Variants in ITGA8 observed in about 807,000 individuals in gnomAD.
ITGA8 encodes integrin alpha-8.
A neutral mutation model predicts 142.3 loss-of-function variants in ITGA8; 91 were observed. The observed-to-expected ratio is 0.64, with a 90% CI of 0.54 to 0.76. The LOEUF (loss-of-function observed/expected upper bound fraction) is 0.76, where lower values mean the gene tolerates loss of function less well. Among genes scored for constraint, ITGA8 ranks in the 30% least tolerant of loss-of-function variants. ITGA8 has a pLI of 0.00. For synonymous variants in ITGA8, 505 were observed against 485.2 expected (o/e 1.04, Z -0.54); for missense variants, 1,406 against 1,327.7 (o/e 1.06, Z -0.92).
chr10:15,637,634 C>T (rs1833795595), intron 13 of ITGA8, among the ~76,000 whole-genome samples: 1 of 151,680 alleles, frequency 6.6e-6, no homozygotes, highest in South Asian at 2.1e-4. Context: ...ACTTCAGACT[C>T]CCAAGTAGCT....
At position 15,636,017 on chromosome 10, in the gene ITGA8, G is replaced by A. The variant is rs1232540851; in HGVS notation, c.1399+8013C>T. Among the ~76,000 whole-genome samples, 5 of 151,452 alleles carry A rather than the reference G, an allele frequency of 3.3e-5. No individual in the cohort carries two copies. The East Asian group carries it at 9.7e-4, about 29-fold the overall frequency. On this transcript the variant is annotated intron_variant, in intron 13 of 29. Transcript: ENST00000378076. The stretch of plus-strand genomic sequence containing the variant: ...TTCATTGAGTGTAATTGTCTGAAAT[G>A]GCTTCATGATATAATTATATAGTAG...
At chr10:15,661,858 G>C (rs1420978923) in intron 8 of ITGA8, among the ~76,000 whole-genome samples, 1 of 152,146 alleles carries the variant, frequency 6.6e-6, no homozygotes, top group East Asian at 1.9e-4. Context: ...TGCCAGGAAA[G>C]TTGACGGAAC....
intron 25 of ITGA8, among the ~76,000 whole-genome samples, chr10:15,571,052 A>T (rs1250819503): frequency 1.3e-5 from 2 of 152,224 alleles, no homozygotes; most frequent in Non-Finnish European, 2.9e-5. Context: ...AGCAAAGAGG[A>T]AATGAGAAAA....
intron 13 of ITGA8, among the ~76,000 whole-genome samples, chr10:15,626,515 G>C (rs1049284484): frequency 6.6e-6 from 1 of 152,030 alleles, no homozygotes; most frequent in Non-Finnish European, 1.5e-5. Flanking sequence ...CACTGCACCC[G>C]GCCTCCTTTC....
chr10:15,684,077 C>A lies in ITGA8; in HGVS notation c.495G>T (p.Lys165Asn). The A allele has an allele frequency of 1.2e-6, 2 of 1,614,128 alleles. No homozygotes were observed. Among genetic ancestry groups the A allele is most frequent in the Non-Finnish European group, 1.7e-6 (2 of 1,179,994 alleles). The change falls in exon 4 of 30, where the codon AAG becomes AAT. Residue 165 changes from lysine to asparagine, a missense_variant. By Grantham distance (94) the Lys-to-Asn change is moderately conservative (BLOSUM62 0). Coordinates refer to ENST00000378076, the MANE Select transcript of ITGA8 (RefSeq NM_003638.3). ...CTACATAGCAGGTGCCAACTGGGTC[C>A]TTTTCTGGTGTCGGTTTAAGAGTTC... ...HWRTLKPTPE[K>N]DPVGTCYVAI...
Position 15,719,749 on chromosome 10 carries a change from C to T in ITGA8, c.23G>A (p.Gly8Asp). 1 of 1,358,360 alleles carries T rather than the reference C, an allele frequency of 7.4e-7. No individual in the cohort carries two copies. The highest frequency in any genetic ancestry group is 9.4e-7 in the Non-Finnish European group (1 of 1,063,730). The allele number at this position is 1,358,360 out of a possible 1,614,324, so 84.1% of individuals were successfully genotyped here. MSPGASR[G>D]PRGSQAPLIA... ...CAGCGGCGCCTGGCTTCCCCGGGGACCGCGGCTGGCCCCGGGCGACATCTC... is the reference window on the plus strand; with the variant it reads ...CAGCGGCGCCTGGCTTCCCCGGGGATCGCGGCTGGCCCCGGGCGACATCTC... Residue 8 changes from glycine (G) to aspartate (D), a missense_variant, in exon 1 of 30, where the codon GGT becomes GAT. Physicochemically the swap from Gly to Asp is moderately conservative, Grantham distance 94. Coordinates refer to ENST00000378076, the MANE Select transcript of ITGA8 (RefSeq NM_003638.3).
chr10:15,706,628 T>C (rs1399196479), intron 2 of ITGA8, among the ~76,000 whole-genome samples: 1 of 152,100 alleles, frequency 6.6e-6, no homozygotes, highest in Non-Finnish European at 1.5e-5. Context: ...TTTGTAGAGA[T>C]AGGATCTTGC....
rs186931445 is a variant in ITGA8, at chr10:15,711,279, C to A, written c.343+7487G>T. On this transcript the variant is annotated intron_variant, in intron 2 of 29. Transcript: ENST00000378076. ...GTTCCTACATGATGATCTGACCAATCGTTCAGCCTTACTTAGGAGCGGTGG... is the reference window on the plus strand; with the variant it reads ...GTTCCTACATGATGATCTGACCAATAGTTCAGCCTTACTTAGGAGCGGTGG... Among the ~76,000 whole-genome samples, 280 of 152,256 alleles carry A rather than the reference C, an allele frequency of 1.8e-3. 2 individuals carry two copies. Among genetic ancestry groups the A allele is most frequent in the African/African-American group, 6.6e-3 (275 of 41,538 alleles).
At chr10:15,719,297 C>T (rs933414870) in intron 1 of ITGA8, among the ~76,000 whole-genome samples, 1 of 152,212 alleles carries the variant, frequency 6.6e-6, no homozygotes, top group Admixed American at 6.5e-5. Flanking sequence ...CTGTTCTCTC[C>T]TTTGTAGGAT....
Position 15,608,243 on chromosome 10 carries a change from T to A in ITGA8, c.1601A>T (p.Asn534Ile). The A allele has an allele frequency of 6.3e-7, 1 of 1,596,766 alleles. No individual in the cohort carries two copies. The highest frequency in any genetic ancestry group is 8.5e-7 in the Non-Finnish European group (1 of 1,171,748). The change falls in exon 16 of 30, where the codon AAC (asparagine) becomes ATC (isoleucine). Residue 534 changes from asparagine (N) to isoleucine (I), a missense_variant. Coordinates refer to ENST00000378076, the MANE Select transcript of ITGA8 (RefSeq NM_003638.3). ...AATGAAAACATGCTTACCTATTGTG[T>A]TTGCAATGCTCTGGCCTGTGACAGA... ...CASVTGQSIA[N>I]TIVLMAEVQL...
intron 11 of ITGA8, 136 bp from the exon 12 acceptor site, chr10:15,647,187 G>T (rs1000433223): frequency 1.6e-6 from 1 of 639,092 alleles, no homozygotes; most frequent in Non-Finnish European, 2.7e-6. Flanking sequence ...TCATCAGATT[G>T]CTTTCGCTGC....
intron 20 of ITGA8, among the ~76,000 whole-genome samples, chr10:15,602,214 C>G (rs1833115905): frequency 6.6e-6 from 1 of 152,184 alleles, no homozygotes. Flanking sequence ...ACAAAACATA[C>G]TCAAGCTTTG....
At chr10:15,529,186 G>C (rs369585135) in intron 28 of ITGA8, among the ~76,000 whole-genome samples, 1 of 152,150 alleles carries the variant, frequency 6.6e-6, no homozygotes, top group Non-Finnish European at 1.5e-5. Context: ...CAGGGCTCAA[G>C]TGATCCTCCC....
rs530035481 is a variant in ITGA8 at position 15,527,906 on chromosome 10, C to A, written c.2982+3144G>T. On this transcript the variant is annotated intron_variant, in intron 28 of 29. Coordinates refer to ENST00000378076, the MANE Select transcript of ITGA8 (RefSeq NM_003638.3). ...TTAAAGCAATTCCCTTTCGGCTGGG[C>A]TTTTTTTTTTTTTTTTTTTTTTTTT... Among the ~76,000 whole-genome samples the A allele has an allele frequency of 7.9e-4, 62 of 78,060 alleles. 5 individuals carry two copies. The highest frequency in any genetic ancestry group is 9.3e-3 in the Middle Eastern group (1 of 108). 51.2% of individuals were successfully genotyped at this position (78,060 alleles called of 152,430 possible). A position where few individuals can be genotyped will look rare whatever the true frequency, so the allele number is the denominator to read the frequency against.
intron 12 of ITGA8, among the ~76,000 whole-genome samples, chr10:15,644,700 G>A (rs1323800668): frequency 1.3e-5 from 2 of 150,738 alleles, no homozygotes; most frequent in Non-Finnish European, 3.0e-5. Flanking sequence ...AAGCAGTATC[G>A]AAACTCTAAA....
At chr10:15,697,785 G>T (rs1228728817) in intron 2 of ITGA8, among the ~76,000 whole-genome samples, 2 of 152,146 alleles carry the variant, frequency 1.3e-5, no homozygotes, top group African/African-American at 4.8e-5. Context: ...ACTACTCTCA[G>T]CATATAGGCT....
intron 5 of ITGA8, among the ~76,000 whole-genome samples, chr10:15,678,516 C>T (rs561659537): frequency 1.1e-4 from 16 of 152,070 alleles, no homozygotes; most frequent in Admixed American, 3.3e-4. Flanking sequence ...TTTAATAGGC[C>T]GCTATGTGCA....
chr10:15,700,596 A>G (rs2131725975), intron 2 of ITGA8, among the ~76,000 whole-genome samples: 1 of 152,368 alleles, frequency 6.6e-6, no homozygotes, highest in Non-Finnish European at 1.5e-5. Context: ...AAGCTTCTGC[A>G]CAGCAGAAGA....
intron 23 of ITGA8, among the ~76,000 whole-genome samples, chr10:15,585,658 C>A (rs1282411384): frequency 1.3e-5 from 2 of 152,180 alleles, no homozygotes; most frequent in Non-Finnish European, 2.9e-5. Flanking sequence ...AGAAAAAAAT[C>A]AATGAAGTCC....
Sources: allele counts gnomAD v4.1 joint callset (sites outside exome capture counted in the v4.1 genomes callset), GRCh38; gene constraint gnomAD v4.1.1; transcripts MANE v1.5; gene names NCBI Gene and HGNC (gene_info 2026-07-23, HGNC 2026-07-21).